Variants in CNTN5 observed in about 807,000 individuals in gnomAD.
The protein encoded by CNTN5 is contactin 5, also known as contactin-5.
Under a neutral mutation model 129.1 loss-of-function variants are expected in CNTN5, and 77 were observed. That is an observed-to-expected ratio of 0.60 (90% CI 0.50 to 0.72). The LOEUF (loss-of-function observed/expected upper bound fraction) is 0.72, where lower values mean the gene tolerates loss of function less well. CNTN5 is among the 30% of genes least tolerant of loss of function. The probability of loss-of-function intolerance (pLI) is 0.00; values close to 1 mark genes in which losing one functional copy is unlikely to be tolerated. For missense variants in CNTN5, 1,478 were observed against 1,328.8 expected (o/e 1.11, Z -1.75); for synonymous variants, 509 against 465.6 (o/e 1.09, Z -1.20).
chr11:99,721,758 A>G (rs1943181473), intron 3 of CNTN5, among the ~76,000 whole-genome samples: 1 of 152,196 alleles, frequency 6.6e-6, no homozygotes, highest in African/African-American at 2.4e-5. Context: ...AATATCCAGC[A>G]TTGATAAGGA....
intron 9 of CNTN5, among the ~76,000 whole-genome samples, chr11:100,038,680 A>C (rs905745681): frequency 3.3e-5 from 5 of 151,926 alleles, no homozygotes; most frequent in Admixed American, 3.3e-4. Flanking sequence ...TATTTAGGAT[A>C]GTTAGCTCTT....
chr11:99,058,912 A>G (rs1340015170), intron 1 of CNTN5, among the ~76,000 whole-genome samples: 1 of 149,880 alleles, frequency 6.7e-6, no homozygotes, highest in Non-Finnish European at 1.5e-5. Flanking sequence ...GATGGTGGGC[A>G]GTTATATATA....
chr11:99,981,904 A>T (rs986632291), intron 8 of CNTN5, among the ~76,000 whole-genome samples: 2 of 152,352 alleles, frequency 1.3e-5, no homozygotes, highest in Non-Finnish European at 2.9e-5. Context: ...GGCTCTAGTT[A>T]ACAATAAATT....
chr11:99,832,184 A>G (rs1947163032), intron 4 of CNTN5, among the ~76,000 whole-genome samples: 2 of 150,684 alleles, frequency 1.3e-5, no homozygotes, highest in Non-Finnish European at 3.0e-5. Flanking sequence ...TCCATAGTCT[A>G]AAAAAAAATC....
chr11:100,290,989 CA>C lies in CNTN5; in HGVS notation c.2315-6630del, dbSNP rs1283847828. ...TCTCAAAAGAAGACATTTATGCAGC[CA>C]AAAAACACATGAAAAAATGCTCATC... On this transcript the variant is annotated intron_variant, in intron 18 of 24. Coordinates refer to ENST00000524871, the MANE Select transcript of CNTN5 (RefSeq NM_014361.4). 1.3e-4 allele frequency among the ~76,000 whole-genome samples: 20 copies of C among 150,940 alleles called. No homozygotes were observed. The East Asian group carries it at 3.6e-3, about 27-fold the overall frequency.
intron 13 of CNTN5, among the ~76,000 whole-genome samples, chr11:100,161,066 A>G: frequency 6.6e-6 from 1 of 151,994 alleles, no homozygotes; most frequent in East Asian, 1.9e-4. Context: ...GTAGAGCTGA[A>G]TATTTCATGC....
At chr11:99,329,351 C>T (rs565974714) in intron 2 of CNTN5, among the ~76,000 whole-genome samples, 1 of 152,250 alleles carries the variant, frequency 6.6e-6, no homozygotes, top group East Asian at 1.9e-4. Flanking sequence ...GATACTTGCT[C>T]AGCAAATGTT....
intron 3 of CNTN5, among the ~76,000 whole-genome samples, chr11:99,670,342 T>C (rs1952981156): frequency 6.6e-6 from 1 of 152,148 alleles, no homozygotes; most frequent in African/African-American, 2.4e-5. Context: ...TTATGACCCT[T>C]TTGTCTCCTT....
intron 8 of CNTN5, among the ~76,000 whole-genome samples, chr11:99,959,031 A>G (rs1283855630): frequency 6.6e-6 from 1 of 152,024 alleles, no homozygotes; most frequent in Non-Finnish European, 1.5e-5. Context: ...TTTACGTTCT[A>G]CCTTCCATGG....
intron 1 of CNTN5, among the ~76,000 whole-genome samples, chr11:99,289,268 T>C (rs1864071213): frequency 6.6e-6 from 1 of 151,788 alleles, no homozygotes; most frequent in Non-Finnish European, 1.5e-5. Flanking sequence ...TTTTTGTATC[T>C]TTATTTTTTA....
chr11:99,742,402 AAAG>A lies in CNTN5; in HGVS notation c.56-77138_56-77136del, dbSNP rs1173184874. 3.9e-5 allele frequency among the ~76,000 whole-genome samples: 6 copies of A among 152,282 alleles called. No individual in the cohort carries two copies. In the South Asian group the frequency reaches 1.2e-3, roughly 32 times the overall value. ...AGATTTTCTAATAAGACTGGAATGG[AAAG>A]AAGGAAACCTTGGTTCAGTAACCAA... is the stretch of plus-strand genomic sequence containing the variant. On this transcript the variant is annotated intron_variant, in intron 3 of 24. Coordinates refer to ENST00000524871, the MANE Select transcript of CNTN5 (RefSeq NM_014361.4).
intron 1 of CNTN5, among the ~76,000 whole-genome samples, chr11:99,203,868 G>C (rs1859343280): frequency 6.6e-6 from 1 of 152,136 alleles, no homozygotes; most frequent in Non-Finnish European, 1.5e-5. Flanking sequence ...AAAATGCTGG[G>C]ATTACAGGCG....
chr11:99,334,930 T>C (rs531319140), intron 2 of CNTN5, among the ~76,000 whole-genome samples: 1 of 152,266 alleles, frequency 6.6e-6, no homozygotes, highest in East Asian at 1.9e-4. Context: ...TAGGAGTTAT[T>C]TGACTTTCTG....
At position 99,600,409 on chromosome 11, in the gene CNTN5, C is replaced by T. The variant is rs369325846; in HGVS notation, c.55+44140C>T. Among the ~76,000 whole-genome samples the T allele has an allele frequency of 2.6e-5, 4 of 152,132 alleles. No individual in the cohort carries two copies. In the East Asian group the frequency reaches 5.8e-4, roughly 22 times the overall value. ...TTAATGTGACACATTTAATTATTTGCATAATGATTATTTTACCTCATGTTA... is the reference window on the plus strand; with the variant it reads ...TTAATGTGACACATTTAATTATTTGTATAATGATTATTTTACCTCATGTTA... On this transcript the variant is annotated intron_variant, in intron 3 of 24. Transcript: ENST00000524871.
intron 1 of CNTN5, among the ~76,000 whole-genome samples, chr11:99,195,253 G>A (rs1858843440): frequency 6.6e-6 from 1 of 151,970 alleles, no homozygotes; most frequent in African/African-American, 2.4e-5. Flanking sequence ...ATTTACCCAT[G>A]CCCCTATTAC....
chr11:100,236,290 C>A (rs1949612624), intron 16 of CNTN5, among the ~76,000 whole-genome samples: 1 of 152,148 alleles, frequency 6.6e-6, no homozygotes, highest in Non-Finnish European at 1.5e-5. Flanking sequence ...GAGCTGGCTG[C>A]TCTGAGAGAG....
intron 1 of CNTN5, among the ~76,000 whole-genome samples, chr11:99,250,535 A>G (rs537642771): frequency 8.1e-4 from 123 of 152,106 alleles, no homozygotes; most frequent in Admixed American, 3.9e-3. Context: ...TAAAAATCTA[A>G]GGAAATGCAA....
intron 3 of CNTN5, among the ~76,000 whole-genome samples, chr11:99,590,493 C>G (rs897768456): frequency 2.6e-5 from 4 of 152,050 alleles, no homozygotes; most frequent in Admixed American, 6.6e-5. Flanking sequence ...ACAATATTTC[C>G]AAGTAGATAA....
chr11:99,538,494 C>T (rs1459797617), intron 2 of CNTN5, among the ~76,000 whole-genome samples: 1 of 152,012 alleles, frequency 6.6e-6, no homozygotes, highest in Non-Finnish European at 1.5e-5. Context: ...TTTTTACTGC[C>T]GGTTTTAATT....
Sources: gnomAD v4.1 joint callset for allele counts (sites outside exome capture counted in the v4.1 genomes callset) on GRCh38, gnomAD v4.1.1 for gene constraint, MANE v1.5 for transcripts, NCBI Gene and HGNC (gene_info 2026-07-23, HGNC 2026-07-21) for gene names.